The following DCC variants were observed in gnomAD, a reference collection of about 807,000 sequenced individuals.
The protein encoded by DCC is DCC netrin 1 receptor, also known as netrin receptor DCC.
Under a neutral mutation model 172.5 loss-of-function variants are expected in DCC, and 58 were observed. The observed-to-expected ratio is 0.34, with a 90% CI of 0.27 to 0.42. DCC has a LOEUF of 0.42. Ranked by LOEUF, DCC falls within the 10% of genes least tolerant of loss-of-function variation. DCC has a pLI of 1.00. For synonymous variants in DCC, 709 were observed against 644.5 expected (o/e 1.10, Z -1.52); for missense variants, 1,740 against 1,791.0 (o/e 0.97, Z 0.51).
chr18:52,378,819 A>T (rs1018120738), intron 1 of DCC, among the ~76,000 whole-genome samples: 5 of 152,160 alleles, frequency 3.3e-5, no homozygotes, highest in African/African-American at 1.2e-4. Context: ...AGGTGATAGG[A>T]TTACAGGTGT....
At chr18:53,345,761 A>AT (rs146002209) in intron 15 of DCC, among the ~76,000 whole-genome samples, 44,148 of 149,044 alleles carry the variant, frequency 0.3, 8,274 homozygotes, top group Non-Finnish European at 0.44. Context: ...GCATTGACAG[A>AT]TTTTTTTTTT....
intron 1 of DCC, among the ~76,000 whole-genome samples, chr18:52,504,707 A>G (rs1460320818): frequency 6.6e-6 from 1 of 151,992 alleles, no homozygotes; most frequent in Non-Finnish European, 1.5e-5. Flanking sequence ...CTCGGGTGTT[A>G]CCACACTCTC....
At chr18:52,775,326 G>C (rs931942197) in intron 2 of DCC, among the ~76,000 whole-genome samples, 5 of 152,180 alleles carry the variant, frequency 3.3e-5, no homozygotes, top group Non-Finnish European at 7.3e-5. Flanking sequence ...CCCAGTGGGC[G>C]TGTGTGATAC....
chr18:52,701,145 A>G (rs2036116907), intron 1 of DCC, among the ~76,000 whole-genome samples: 1 of 152,318 alleles, frequency 6.6e-6, no homozygotes, highest in Non-Finnish European at 1.5e-5. Context: ...TTTCAATACA[A>G]TCAGGTACAT....
intron 1 of DCC, among the ~76,000 whole-genome samples, chr18:52,671,483 T>G (rs2035551721): frequency 2.0e-5 from 3 of 152,044 alleles, no homozygotes; most frequent in Admixed American, 1.3e-4. Flanking sequence ...TATCAGAATC[T>G]TTTCTTTTTT....
At chr18:52,678,592 C>CT (rs754851838) in intron 1 of DCC, among the ~76,000 whole-genome samples, 9 of 152,020 alleles carry the variant, frequency 5.9e-5, no homozygotes, top group African/African-American at 9.7e-5. Flanking sequence ...AATTACTGTC[C>CT]TTTTTAAAAA....
intron 1 of DCC, among the ~76,000 whole-genome samples, chr18:52,691,060 T>C (rs999866846): frequency 2.0e-5 from 3 of 152,288 alleles, no homozygotes; most frequent in African/African-American, 7.2e-5. Flanking sequence ...GTCACTGCCA[T>C]GTACCCCAGA....
chr18:53,349,489 C>T (rs2057763274), intron 15 of DCC, among the ~76,000 whole-genome samples: 1 of 152,172 alleles, frequency 6.6e-6, no homozygotes, highest in Non-Finnish European at 1.5e-5. Context: ...TTTCAGGTAT[C>T]TTTTCAGCAA....
chr18:53,435,375 C>CA (rs59995453), intron 22 of DCC, among the ~76,000 whole-genome samples, 166 bp downstream of exon 22: 4,801 of 150,716 alleles, frequency 0.032, 288 homozygotes, highest in African/African-American at 0.11. Flanking sequence ...AAAACAAAAA[C>CA]AAAAAAAACA....
intron 9 of DCC, among the ~76,000 whole-genome samples, chr18:53,181,409 T>C (rs1409114209): frequency 6.9e-6 from 1 of 145,732 alleles, no homozygotes; most frequent in Non-Finnish European, 1.5e-5. Flanking sequence ...AAAATTTTAC[T>C]TCTTTTTTTT....
intron 1 of DCC, among the ~76,000 whole-genome samples, chr18:52,499,420 C>A (rs544483856): frequency 5.9e-5 from 9 of 152,128 alleles, no homozygotes; most frequent in African/African-American, 1.9e-4. Flanking sequence ...TTTTGAAGAG[C>A]CAGTCCTCTG....
intron 1 of DCC, among the ~76,000 whole-genome samples, chr18:52,642,024 A>G (rs200921583): frequency 0.43 from 16,666 of 38,798 alleles, 1,378 homozygotes; most frequent in South Asian, 0.54. Context: ...GTATATATAT[A>G]TATATATATA....
chr18:53,424,699 C>A (rs1481990640), intron 21 of DCC, among the ~76,000 whole-genome samples: 1 of 152,060 alleles, frequency 6.6e-6, no homozygotes, highest in Non-Finnish European at 1.5e-5. Flanking sequence ...GTTAGGAAGC[C>A]AAGATGCTGG....
intron 12 of DCC, among the ~76,000 whole-genome samples, chr18:53,256,750 A>C (rs2056522840): frequency 6.6e-6 from 1 of 152,228 alleles, no homozygotes; most frequent in Non-Finnish European, 1.5e-5. Flanking sequence ...TCTGTGAAGA[A>C]AGTCATTGGT....
intron 1 of DCC, among the ~76,000 whole-genome samples, chr18:52,532,400 CTCAAGAACTCGATCCATTGTTGCCAA>C (rs1187267792): frequency 6.6e-6 from 1 of 152,102 alleles, no homozygotes; most frequent in Admixed American, 6.6e-5. Context: ...AAGTTCAAGA[CTCAAGAACTCGATCCATTGTTGCCAA>C]TTGTTCTGTG....
At chr18:52,807,883 C>G (rs1159970633) in intron 2 of DCC, among the ~76,000 whole-genome samples, 1 of 139,140 alleles carries the variant, frequency 7.2e-6, no homozygotes, top group African/African-American at 2.6e-5. Context: ...ATCTCTCAAT[C>G]TCTCCTGGAT....
chr18:52,480,949 G>C (rs1476121593), intron 1 of DCC, among the ~76,000 whole-genome samples: 1 of 151,146 alleles, frequency 6.6e-6, no homozygotes, highest in Non-Finnish European at 1.5e-5. Context: ...ATTACTAAGA[G>C]TAATTTATTT....
intron 1 of DCC, among the ~76,000 whole-genome samples, chr18:52,741,450 G>T (rs1277881618): frequency 1.3e-5 from 2 of 152,070 alleles, no homozygotes; most frequent in Non-Finnish European, 2.9e-5. Flanking sequence ...GTGAGGGTCT[G>T]ACCTGTGCAT....
Position 53,506,098 on chromosome 18 carries a change from T to TAGAG in DCC, c.4111+6591_4111+6594dup, listed in dbSNP as rs368035130. 1.3e-3 allele frequency among the ~76,000 whole-genome samples: 202 copies of TAGAG among 152,358 alleles called. 3 individuals are homozygous for TAGAG. Among genetic ancestry groups the TAGAG allele is most frequent in the Middle Eastern group, 6.8e-3 (2 of 294 alleles). ...CATTACCAATACAGAGGTCAATATT[T>TAGAG]AGAGAGGTTGAATACCTTTCAACTT... On this transcript the variant is annotated intron_variant, in intron 27 of 28. Coordinates refer to ENST00000442544, the MANE Select transcript of DCC (RefSeq NM_005215.4).
Sources: gnomAD v4.1 joint callset for allele counts (sites outside exome capture counted in the v4.1 genomes callset) on GRCh38, gnomAD v4.1.1 for gene constraint, MANE v1.5 for transcripts, NCBI Gene and HGNC (gene_info 2026-07-23, HGNC 2026-07-21) for gene names.